The following CENPP variants were observed in gnomAD, a reference collection of about 807,000 sequenced individuals.
CENPP encodes the protein centromere protein P.
CENPP carries 24 observed loss-of-function variants against 35.6 expected under a neutral mutation model. The ratio of observed to expected loss-of-function variants is 0.67; its 90% CI spans 0.49 to 0.95. The LOEUF (loss-of-function observed/expected upper bound fraction) is 0.95. CENPP is among the 40% of genes least tolerant of loss of function. The probability of loss-of-function intolerance (pLI) is 0.00; values close to 1 mark genes in which losing one functional copy is unlikely to be tolerated. For synonymous variants in CENPP, 120 were observed against 125.5 expected (o/e 0.96, Z 0.29); for missense variants, 332 against 345.3 (o/e 0.96, Z 0.31).
chr9:92,518,239 C>G (rs1002234911), intron 5 of CENPP, among the ~76,000 whole-genome samples: 1 of 152,202 alleles, frequency 6.6e-6, no homozygotes, highest in African/African-American at 2.4e-5. Flanking sequence ...CACAGGGGCT[C>G]AGCTCATCAT....
At chr9:92,538,767 ACT>A (rs1288465224) in intron 5 of CENPP, among the ~76,000 whole-genome samples, 2 of 152,112 alleles carry the variant, frequency 1.3e-5, no homozygotes, top group Non-Finnish European at 2.9e-5. Flanking sequence ...TTCTGACAAC[ACT>A]CTGCAGGAAT....
chr9:92,401,701 C>G (rs1464172085), intron 5 of CENPP, among the ~76,000 whole-genome samples: 1 of 152,174 alleles, frequency 6.6e-6, no homozygotes, highest in Non-Finnish European at 1.5e-5. Flanking sequence ...TAAGCCCTGG[C>G]TCTTGGATCC....
At chr9:92,426,298 T>C (rs1240234009) in intron 5 of CENPP, among the ~76,000 whole-genome samples, 1 of 152,220 alleles carries the variant, frequency 6.6e-6, no homozygotes, top group African/African-American at 2.4e-5. Flanking sequence ...GATTATACTT[T>C]GATTGAAATA....
chr9:92,432,980 ATTGAT>A (rs1844153998), intron 5 of CENPP, among the ~76,000 whole-genome samples: 1 of 152,320 alleles, frequency 6.6e-6, no homozygotes. Context: ...CTTTCATGGT[ATTGAT>A]TTATTTTTTC....
chr9:92,393,202 A>G (rs1214184627), intron 5 of CENPP: 1 of 1,610,970 alleles, frequency 6.2e-7, no homozygotes, highest in Non-Finnish European at 8.5e-7. Flanking sequence ...TTCACAGTAT[A>G]CAGAGCCACT....
rs767837287 is a variant in CENPP, at chr9:92,389,861, G to A, written c.564+10002G>A. On this transcript the variant is annotated intron_variant, in intron 5 of 7. Coordinates refer to ENST00000375587, the MANE Select transcript of CENPP (RefSeq NM_001012267.3). ...TTACTATAAAATACTTACTTTGAAT[G>A]CATTTGCTTTGATTCCCCTACTCTT... 2.5e-6 allele frequency: 4 copies of A among 1,599,070 alleles called. No homozygotes were observed. The East Asian group carries it at 9.0e-5, about 36-fold the overall frequency.
intron 2 of CENPP, among the ~76,000 whole-genome samples, chr9:92,335,148 C>T (rs189246077): frequency 6.6e-6 from 1 of 152,152 alleles, no homozygotes; most frequent in Admixed American, 6.5e-5. Flanking sequence ...AACGAGACTC[C>T]ATCTCAAAAA....
chr9:92,557,670 G>A (rs1171924779), intron 5 of CENPP, among the ~76,000 whole-genome samples: 1 of 152,150 alleles, frequency 6.6e-6, no homozygotes, highest in African/African-American at 2.4e-5. Flanking sequence ...TTGAGACAGA[G>A]TCTTGCTCTG....
chr9:92,465,825 C>T (rs1845284870), intron 5 of CENPP, among the ~76,000 whole-genome samples: 1 of 150,658 alleles, frequency 6.6e-6, no homozygotes, highest in Non-Finnish European at 1.5e-5. Context: ...CTAAGTGTTT[C>T]AAAGGAGGTT....
intron 5 of CENPP, among the ~76,000 whole-genome samples, chr9:92,397,778 C>T (rs1205956452): frequency 6.6e-6 from 1 of 152,124 alleles, no homozygotes; most frequent in African/African-American, 2.4e-5. Context: ...TCTCTTTCTC[C>T]ACAGATAATA....
At chr9:92,541,513 A>G (rs1849320687) in intron 5 of CENPP, among the ~76,000 whole-genome samples, 1 of 147,690 alleles carries the variant, frequency 6.8e-6, no homozygotes, top group Non-Finnish European at 1.5e-5. Flanking sequence ...GGTGCCTGCC[A>G]CTGTGCCTGG....
chr9:92,560,408 C>T (rs1053780524), intron 5 of CENPP, among the ~76,000 whole-genome samples: 18 of 152,186 alleles, frequency 1.2e-4, no homozygotes, highest in South Asian at 2.1e-4. Context: ...CGTACCTCCC[C>T]AGTTTCCATC....
At chr9:92,512,866 G>T (rs1563977780) in intron 5 of CENPP, among the ~76,000 whole-genome samples, 1 of 152,126 alleles carries the variant, frequency 6.6e-6, no homozygotes, top group Non-Finnish European at 1.5e-5. Flanking sequence ...TCACAAATGG[G>T]GTTTTCTTAG....
chr9:92,612,961 A>G (rs143278312), intron 7 of CENPP, 58 bp from the exon 8 acceptor site: 2 of 1,608,444 alleles, frequency 1.2e-6, no homozygotes, highest in African/African-American at 1.3e-5. Context: ...AGCAGAAAAC[A>G]AAAGACCAAA....
At chr9:92,346,881 T>C (rs1003123250) in intron 4 of CENPP, among the ~76,000 whole-genome samples, 4 of 152,012 alleles carry the variant, frequency 2.6e-5, no homozygotes, top group Non-Finnish European at 5.9e-5. Flanking sequence ...GGTGGTCCCG[T>C]CTGCTGTTAA....
intron 2 of CENPP, among the ~76,000 whole-genome samples, chr9:92,335,580 C>CT (rs57278990): frequency 0.034 from 4,868 of 143,632 alleles, 139 homozygotes; most frequent in African/African-American, 0.08. Flanking sequence ...TGTCTAGATT[C>CT]TTTTTTTTTT....
chr9:92,400,654 A>T (rs1843075662), intron 5 of CENPP, among the ~76,000 whole-genome samples: 1 of 152,220 alleles, frequency 6.6e-6, no homozygotes, highest in African/African-American at 2.4e-5. Flanking sequence ...TAGGACTTGT[A>T]ATTTGTTATT....
intron 5 of CENPP, chr9:92,459,737 G>T (rs373562694): frequency 4.3e-6 from 7 of 1,613,172 alleles, no homozygotes; most frequent in African/African-American, 2.7e-5. Context: ...TCCCATTTTC[G>T]ATATCTGTGA....
chr9:92,392,572 G>C (rs762666943), intron 5 of CENPP, among the ~76,000 whole-genome samples: 1 of 151,360 alleles, frequency 6.6e-6, no homozygotes, highest in Non-Finnish European at 1.5e-5. Flanking sequence ...CCAAGATCAC[G>C]CCACTCTACT....
Sources: allele counts gnomAD v4.1 joint callset (sites outside exome capture counted in the v4.1 genomes callset), GRCh38; gene constraint gnomAD v4.1.1; transcripts MANE v1.5; gene names NCBI Gene and HGNC (gene_info 2026-07-23, HGNC 2026-07-21).